The following RNF150 variants were observed in gnomAD, a reference collection of about 807,000 sequenced individuals.
RNF150 encodes ring finger protein 150.
Under a neutral mutation model 39.3 loss-of-function variants are expected in RNF150, and 24 were observed. That is an observed-to-expected ratio of 0.61 (90% confidence interval 0.44 to 0.86). RNF150 has a LOEUF of 0.86. RNF150 is among the 40% of genes least tolerant of loss of function. The probability of loss-of-function intolerance (pLI) is 0.00; values close to 1 mark genes in which losing one functional copy is unlikely to be tolerated. For missense variants in RNF150, 502 were observed against 587.8 expected (o/e 0.85, Z 1.51); for synonymous variants, 255 against 227.3 (o/e 1.12, Z -1.10).
At chr4:140,899,104 G>A (rs1323186805) in intron 6 of RNF150, among the ~76,000 whole-genome samples, 1 of 152,010 alleles carries the variant, frequency 6.6e-6, no homozygotes, top group African/African-American at 2.4e-5. Context: ...TTTTTTAAAT[G>A]AGATCTAATA....
chr4:141,165,233 A>C (rs1055119166), intron 1 of RNF150, among the ~76,000 whole-genome samples: 1 of 152,232 alleles, frequency 6.6e-6, no homozygotes, highest in African/African-American at 2.4e-5. Context: ...GGATCAATGC[A>C]ACAAGAAGAG....
intron 1 of RNF150, among the ~76,000 whole-genome samples, chr4:141,189,477 G>A (rs1728068486): frequency 6.6e-6 from 1 of 152,212 alleles, no homozygotes; most frequent in Non-Finnish European, 1.5e-5. Flanking sequence ...GAATGTTCAA[G>A]TCTACTGAAG....
At chr4:141,206,398 G>C (rs568662170) in intron 1 of RNF150, among the ~76,000 whole-genome samples, 4 of 119,956 alleles carry the variant, frequency 3.3e-5, no homozygotes, top group African/African-American at 1.3e-4. Flanking sequence ...CAGCCCGGGT[G>C]ACAACAATGA....
At chr4:140,899,974 C>CTCTGTGTGTGTGTGTGTGTGTG (rs1365683071) in intron 6 of RNF150, among the ~76,000 whole-genome samples, 5 of 69,220 alleles carry the variant, frequency 7.2e-5, no homozygotes, top group African/African-American at 2.2e-4. Context: ...CTCTCTCTCT[C>CTCTGTGTGTGTGTGTGTGTGTG]TGTGTGTGTG....
intron 1 of RNF150, among the ~76,000 whole-genome samples, chr4:141,046,802 G>A (rs1211713890): frequency 6.6e-6 from 1 of 152,110 alleles, no homozygotes; most frequent in Non-Finnish European, 1.5e-5. Flanking sequence ...GGTAAGAGGA[G>A]GTATGTTTGT....
chr4:141,062,311 A>C (rs1401148753), intron 1 of RNF150, among the ~76,000 whole-genome samples: 1 of 152,140 alleles, frequency 6.6e-6, no homozygotes, highest in Non-Finnish European at 1.5e-5. Context: ...ATATAAAGAT[A>C]AACATGCATC....
At chr4:141,192,572 C>A (rs1391615113) in intron 1 of RNF150, among the ~76,000 whole-genome samples, 1 of 152,066 alleles carries the variant, frequency 6.6e-6, no homozygotes, top group African/African-American at 2.4e-5. Context: ...ATCTGAGACA[C>A]AACAGAGACT....
chr4:141,027,930 T>TG (rs536577190), intron 1 of RNF150, among the ~76,000 whole-genome samples: 20,367 of 115,358 alleles, frequency 0.18, 2,429 homozygotes, highest in East Asian at 0.51. Flanking sequence ...TTTTTTGTTT[T>TG]TTTTTTTTTT....
intron 2 of RNF150, among the ~76,000 whole-genome samples, chr4:140,965,989 C>A (rs573132457): frequency 6.6e-6 from 1 of 152,036 alleles, no homozygotes; most frequent in Admixed American, 6.6e-5. Context: ...TATGACTCCC[C>A]AAACACCATA....
intron 1 of RNF150, among the ~76,000 whole-genome samples, chr4:141,108,122 C>T (rs1020612527): frequency 2.0e-5 from 3 of 152,166 alleles, no homozygotes; most frequent in Admixed American, 1.3e-4. Context: ...GGTGTGAAAG[C>T]ACTCTCTCCA....
chr4:141,175,564 G>T (rs1727795579), intron 1 of RNF150, among the ~76,000 whole-genome samples: 2 of 152,136 alleles, frequency 1.3e-5, no homozygotes, highest in Admixed American at 6.5e-5. Flanking sequence ...CACTGCTGGG[G>T]TCTAAGAGGG....
chr4:141,057,259 T>A lies in RNF150; in HGVS notation c.484+75066A>T, dbSNP rs1318757100. On this transcript the variant is annotated intron_variant, in intron 1 of 6. Coordinates refer to ENST00000515673, the MANE Select transcript of RNF150 (RefSeq NM_020724.2). ...TAATTCTTATTTTTTAAAATTATAT[T>A]TATGTAATAGGTTATATCTAAATTA... Among the ~76,000 whole-genome samples, 4 of 151,976 alleles carry A rather than the reference T, an allele frequency of 2.6e-5. No individual in the cohort carries two copies. In the East Asian group the frequency reaches 7.7e-4, roughly 29 times the overall value.
chr4:140,929,917 G>T (rs1731558300), intron 4 of RNF150, among the ~76,000 whole-genome samples: 1 of 152,128 alleles, frequency 6.6e-6, no homozygotes, highest in South Asian at 2.1e-4. Context: ...ATTTTGGTAG[G>T]CCAAGGCAGG....
At chr4:141,111,063 A>C (rs2111060623) in intron 1 of RNF150, among the ~76,000 whole-genome samples, 1 of 152,280 alleles carries the variant, frequency 6.6e-6, no homozygotes, top group South Asian at 2.1e-4. Context: ...GTAAGGACAG[A>C]CCAGGAATTA....
intron 1 of RNF150, among the ~76,000 whole-genome samples, chr4:141,178,816 C>T (rs922142216): frequency 7.0e-6 from 1 of 143,780 alleles, no homozygotes; most frequent in Non-Finnish European, 1.5e-5. Flanking sequence ...TGGAGGTATT[C>T]CTGCAAAGCT....
chr4:141,127,992 T>G (rs1031958483), intron 1 of RNF150, among the ~76,000 whole-genome samples: 3 of 152,168 alleles, frequency 2.0e-5, no homozygotes, highest in Non-Finnish European at 4.4e-5. Flanking sequence ...AATAGGAGAA[T>G]CTTAAATGTT....
At chr4:140,909,351 GTC>G (rs536474260) in intron 6 of RNF150, among the ~76,000 whole-genome samples, 63 of 152,162 alleles carry the variant, frequency 4.1e-4, no homozygotes, top group Non-Finnish European at 7.1e-4. Flanking sequence ...GTTTTACAGT[GTC>G]TCAATAGTTT....
intron 1 of RNF150, among the ~76,000 whole-genome samples, chr4:141,052,015 T>A (rs553159897): frequency 3.5e-4 from 54 of 152,118 alleles, no homozygotes; most frequent in Non-Finnish European, 6.2e-4. Context: ...CTAAGTCACA[T>A]CTTAAGTGGA....
intron 1 of RNF150, among the ~76,000 whole-genome samples, chr4:141,033,018 G>A (rs912921444): frequency 3.1e-4 from 47 of 152,214 alleles, no homozygotes; most frequent in African/African-American, 1.1e-3. Context: ...CGGGAGCTGT[G>A]GCAACTTCTC....
Sources: allele counts gnomAD v4.1 joint callset (sites outside exome capture counted in the v4.1 genomes callset), GRCh38; gene constraint gnomAD v4.1.1; transcripts MANE v1.5; gene names NCBI Gene and HGNC (gene_info 2026-07-23, HGNC 2026-07-21).